FANCI: variants seen among roughly 807,000 people sequenced by gnomAD.
FANCI encodes the protein FA complementation group I, also known as Fanconi anemia group I protein.
In FANCI, 156 loss-of-function variants were observed where a neutral mutation model predicts 176.1. The ratio of observed to expected loss-of-function variants is 0.89; its 90% CI spans 0.78 to 1.01. The LOEUF is 1.01. Among genes scored for constraint, FANCI ranks in the 50% least tolerant of loss-of-function variants. FANCI has a pLI of 0.00. For synonymous variants in FANCI, 613 were observed against 541.7 expected, an observed-to-expected ratio of 1.13 and a Z score of -1.83; for missense variants, 1,678 against 1,534.1, an observed-to-expected ratio of 1.09 and a Z score of -1.57.
chr15:89,313,640 A>G (rs2055054439), intron 35 of FANCI, among the ~76,000 whole-genome samples: 1 of 152,150 alleles, frequency 6.6e-6, no homozygotes, highest in African/African-American at 2.4e-5. Context: ...CTTAGCAATG[A>G]CTACTGAATC....
At chr15:89,272,810 C>T (rs2053249719) in intron 10 of FANCI, among the ~76,000 whole-genome samples, 1 of 152,068 alleles carries the variant, frequency 6.6e-6, no homozygotes, top group Non-Finnish European at 1.5e-5. Context: ...GCTGGGATTA[C>T]AGGTGTGTGC....
In FANCI at chr15:89,259,929, T is replaced by C. The variant is rs138122904; in HGVS notation, c.158-784T>C. Among the ~76,000 whole-genome samples, 794 of 152,354 alleles carry C rather than the reference T, an allele frequency of 5.2e-3. 31 individuals are homozygous for C. Among genetic ancestry groups the C allele is most frequent in the Admixed American group, 0.047 (712 of 15,300 alleles). ...TGTATCTATTTTCTGGCCATTATAA[T>C]ACTACTATGAACATTTGTGTATAAA... On this transcript the variant is annotated intron_variant, in intron 3 of 37. Coordinates refer to ENST00000310775, the MANE Select transcript of FANCI (RefSeq NM_001113378.2).
intron 1 of FANCI, among the ~76,000 whole-genome samples, chr15:89,246,842 T>A (rs1239228373): frequency 7.0e-6 from 1 of 142,762 alleles, no homozygotes; most frequent in African/African-American, 2.6e-5. Flanking sequence ...CTCCGCTCAC[T>A]GCAAGCTCCT....
rs867350566 is a variant in FANCI at position 89,299,357 on chromosome 15, C to A, written c.2637-443C>A. Reference sequence around the variant, plus strand: ...TAATGTAAATTCTGTGCAAATTCTTCCAGGAAATAGGAGAGAACATATTCC... The same window carrying A: ...TAATGTAAATTCTGTGCAAATTCTTACAGGAAATAGGAGAGAACATATTCC... On this transcript the variant is annotated intron_variant, in intron 24 of 37. Coordinates refer to ENST00000310775, the MANE Select transcript of FANCI (RefSeq NM_001113378.2). Among the ~76,000 whole-genome samples the A allele has an allele frequency of 6.6e-5, 10 of 152,122 alleles. No homozygotes were observed. The South Asian group carries it at 1.2e-3, about 19-fold the overall frequency.
intron 30 of FANCI, 55 bp from the exon 31 acceptor site, chr15:89,305,550 A>G (rs2054685624): frequency 5.6e-6 from 9 of 1,605,064 alleles, no homozygotes; most frequent in Non-Finnish European, 7.7e-6. Flanking sequence ...CACAGTTATT[A>G]TATTACCCCC....
chr15:89,296,425 T>C (rs2054277179), intron 24 of FANCI, among the ~76,000 whole-genome samples: 2 of 151,782 alleles, frequency 1.3e-5, no homozygotes, highest in Admixed American at 6.6e-5. Context: ...GTTTTTTTTG[T>C]TTTGTTTTGT....
Position 89,258,722 on chromosome 15 carries a change from A to G in FANCI, c.103A>G (p.Asn35Asp). The G allele has an allele frequency of 6.2e-7, 1 of 1,613,670 alleles. No individual in the cohort carries two copies. Among genetic ancestry groups the G allele is most frequent in the East Asian group, 2.2e-5 (1 of 44,860 alleles). Residue 35 changes from asparagine (N) to aspartate (D), a missense_variant, in exon 3 of 38, where the codon AAT (asparagine) becomes GAT (aspartate). This residue lies in a region of FANCI where 469 missense variants were observed against 436.9 expected (regional missense o/e 1.07). Coordinates refer to ENST00000310775, the MANE Select transcript of FANCI (RefSeq NM_001113378.2). ...TTTGCAGTTGACTAATCTCCTTCAG[A>G]ATCAAGCAGTGAAAGGAAAAGTTGC... The part of the protein sequence containing the change: ...REGDLTNLLQ[N>D]QAVKGKVAGA...
chr15:89,288,332 C>T (rs185124876), intron 18 of FANCI, among the ~76,000 whole-genome samples: 1 of 151,738 alleles, frequency 6.6e-6, no homozygotes, highest in Admixed American at 6.6e-5. Flanking sequence ...ATGCCCCTTC[C>T]CCCCCAAAAA....
chr15:89,271,149 A>G lies in FANCI; in HGVS notation c.883-2228A>G, dbSNP rs888956063. On this transcript the variant is annotated intron_variant, in intron 10 of 37. Coordinates refer to ENST00000310775, the MANE Select transcript of FANCI (RefSeq NM_001113378.2). The stretch of plus-strand genomic sequence containing the variant: ...TAGGCCTTGAAAATGTATTCTTTAA[A>G]CTTTTTGAGGCACAATTTACATAGC... 3.3e-5 allele frequency among the ~76,000 whole-genome samples: 5 copies of G among 151,956 alleles called. No individual in the cohort carries two copies. In the South Asian group the frequency reaches 1.0e-3, roughly 31 times the overall value.
rs145513907 is a variant in FANCI, at chr15:89,307,295, T to C, written c.3538-181T>C. Among the ~76,000 whole-genome samples, 639 of 152,344 alleles carry C rather than the reference T, an allele frequency of 4.2e-3. 4 individuals are homozygous for C. Among genetic ancestry groups the C allele is most frequent in the South Asian group, 7.7e-3 (37 of 4,826 alleles). On this transcript the variant is annotated intron_variant, in intron 32 of 37. Transcript: ENST00000310775. ...TCAGAAACAAACCCTTCATTACTTA[T>C]TGTCTGGGAAGCTTAGGAGCTTTGG...
In FANCI at chr15:89,301,310, T is replaced by C. The variant is rs751883639; in HGVS notation, c.2890-16T>C. ...GTCTGCTAACATTGCTTGCTGTGTGTGCCTTCCTTTCTCAGAGGTCCTTGT... is the reference window on the plus strand; with the variant it reads ...GTCTGCTAACATTGCTTGCTGTGTGCGCCTTCCTTTCTCAGAGGTCCTTGT... On this transcript the variant is annotated splice_polypyrimidine_tract_variant and intron_variant, in intron 26 of 37. Coordinates refer to ENST00000310775, the MANE Select transcript of FANCI (RefSeq NM_001113378.2). 1.9e-6 allele frequency: 3 copies of C among 1,553,808 alleles called. No homozygotes were observed. The East Asian group carries it at 6.7e-5, about 35-fold the overall frequency.
At chr15:89,275,143 G>C (rs2053363319) in intron 12 of FANCI, among the ~76,000 whole-genome samples, 1 of 137,696 alleles carries the variant, frequency 7.3e-6, no homozygotes, top group African/African-American at 2.7e-5. Flanking sequence ...GCCCAGGCTA[G>C]ACTTGATCTT....
intron 24 of FANCI, among the ~76,000 whole-genome samples, chr15:89,296,744 G>T (rs2054292660): frequency 6.6e-6 from 1 of 152,098 alleles, no homozygotes; most frequent in Non-Finnish European, 1.5e-5. Context: ...CTGGGCAGAG[G>T]GGCTCCTCAC....
At chr15:89,265,199 T>C (rs1263779048) in intron 9 of FANCI, among the ~76,000 whole-genome samples, 2 of 152,124 alleles carry the variant, frequency 1.3e-5, no homozygotes, top group African/African-American at 4.8e-5. Flanking sequence ...ATTTTGGGTT[T>C]TTTTTGTTTC....
chr15:89,305,762 C>G lies in FANCI; in HGVS notation c.3349+64C>G, dbSNP rs74987530. The G allele has an allele frequency of 1.0e-3, 1,565 of 1,525,694 alleles. 15 individuals are homozygous for G. The African/African-American group carries it at 0.018, about 18-fold the overall frequency. The allele number at this position is 1,525,694 out of a possible 1,614,324, so 94.5% of individuals were successfully genotyped here. On this transcript the variant is annotated intron_variant, in intron 31 of 37. Coordinates refer to ENST00000310775, the MANE Select transcript of FANCI (RefSeq NM_001113378.2). ...AGCAAGGTCAAAATTCATATTGGGTCGGTGCATAAAAATGGAGCCCCTGAG... is the reference window on the plus strand; with the variant it reads ...AGCAAGGTCAAAATTCATATTGGGTGGGTGCATAAAAATGGAGCCCCTGAG...
At chr15:89,313,004 C>G (rs769887767) in intron 35 of FANCI, 32 bp downstream of exon 35, 3 of 1,600,818 alleles carry the variant, frequency 1.9e-6, no homozygotes, top group Non-Finnish European at 2.6e-6. Flanking sequence ...TTAAAATATG[C>G]TTGTTGGTGA....
At chr15:89,271,050 CTGT>C (rs1307039216) in intron 10 of FANCI, among the ~76,000 whole-genome samples, 11 of 152,150 alleles carry the variant, frequency 7.2e-5, no homozygotes, top group African/African-American at 1.2e-4. Flanking sequence ...TTGATCCAGT[CTGT>C]TGTTTTCTTT....
chr15:89,269,509 G>A (rs571881855), intron 10 of FANCI, among the ~76,000 whole-genome samples: 2 of 151,864 alleles, frequency 1.3e-5, no homozygotes, highest in Admixed American at 1.3e-4. Flanking sequence ...CAGCCCACTT[G>A]TCTTGTGTAA....
At chr15:89,302,745 T>G (rs1183104443) in intron 27 of FANCI, among the ~76,000 whole-genome samples, 2 of 152,018 alleles carry the variant, frequency 1.3e-5, no homozygotes, top group Non-Finnish European at 2.9e-5. Context: ...GGCTAATTTT[T>G]TGTATTTTTA....
Sources: allele counts gnomAD v4.1 joint callset (sites outside exome capture counted in the v4.1 genomes callset), GRCh38; gene constraint gnomAD v4.1.1; regional missense constraint gnomAD v4.1.1; transcripts MANE v1.5; gene names NCBI Gene and HGNC (gene_info 2026-07-23, HGNC 2026-07-21).